ASPHD2: variants seen among roughly 807,000 people sequenced by gnomAD.
ASPHD2 encodes aspartate beta-hydroxylase domain-containing protein 2.
A neutral mutation model predicts 34.6 loss-of-function variants in ASPHD2; 12 were observed. That is an observed-to-expected ratio of 0.35 (90% CI 0.22 to 0.56). ASPHD2 has a LOEUF of 0.56. Among genes scored for constraint, ASPHD2 ranks in the 20% least tolerant of loss-of-function variants. The pLI, the probability that ASPHD2 is intolerant of heterozygous loss-of-function variation, is 0.87. For missense variants in ASPHD2, 375 were observed against 505.0 expected, an observed-to-expected ratio of 0.74 and a Z score of 2.47; for synonymous variants, 224 against 212.2, an observed-to-expected ratio of 1.06 and a Z score of -0.48.
chr22:26,435,710 T>TAAAAAGAAAAG (rs1243643919), intron 2 of ASPHD2, among the ~76,000 whole-genome samples: 1 of 145,910 alleles, frequency 6.9e-6, no homozygotes, highest in Non-Finnish European at 1.5e-5. Flanking sequence ...ATCACTGCAC[T>TAAAAAGAAAAG]AAAAGAAAAG....
In ASPHD2 at chr22:26,434,093, C is replaced by G. The variant is rs2084775859; in HGVS notation, c.478C>G (p.Pro160Ala). The G allele has an allele frequency of 6.2e-7, 1 of 1,612,950 alleles. No homozygotes were observed. Among genetic ancestry groups the G allele is most frequent in the Non-Finnish European group, 8.5e-7 (1 of 1,179,704 alleles). ...REQGRYLNSR[P>A]SIQKPEVFFL... is the part of the protein sequence containing the mutation. ...GCAGGGCCGGTACCTCAACAGCCGG[C>G]CCTCCATCCAGAAGCCCGAGGTCTT... The change falls in exon 2 of 4, where the codon CCC (proline) becomes GCC (alanine). Residue 160 changes from proline to alanine, a missense_variant. Coordinates refer to ENST00000215906, the MANE Select transcript of ASPHD2 (RefSeq NM_020437.5).
Position 26,434,345 on chromosome 22 carries a change from T to C in ASPHD2, c.730T>C (p.Cys244Arg), listed in dbSNP as rs979401849. The C allele has an allele frequency of 2.5e-6, 4 of 1,614,198 alleles. No individual in the cohort carries two copies. The highest frequency in any genetic ancestry group is 1.1e-5 in the South Asian group (1 of 91,086). The change falls in exon 2 of 4, where the codon TGT becomes CGT. Residue 244 changes from cysteine (C) to arginine (R), a missense_variant. This residue lies in a region of ASPHD2 where 142 missense variants were observed against 217.9 expected (regional missense o/e 0.65). Transcript: ENST00000215906. ...TCAGGGGGTTTGTGTTCCCAGGAACTGTAGGAAGTGCCCACGGACGTACCG... is the reference window on the plus strand; with the variant it reads ...TCAGGGGGTTTGTGTTCCCAGGAACCGTAGGAAGTGCCCACGGACGTACCG... ...VNQGVCVPRN[C>R]RKCPRTYRLL...
intron 2 of ASPHD2, among the ~76,000 whole-genome samples, chr22:26,438,510 T>TACATACATATACAC (rs2084809598): frequency 1.0e-5 from 1 of 96,148 alleles, no homozygotes; most frequent in Non-Finnish European, 2.2e-5. Context: ...TACATATATA[T>TACATACATATACAC]ACATACATAT....
intron 2 of ASPHD2, among the ~76,000 whole-genome samples, chr22:26,435,093 C>G (rs2084782649): frequency 6.6e-6 from 1 of 152,104 alleles, no homozygotes; most frequent in African/African-American, 2.4e-5. Context: ...GTTTTGCAAA[C>G]AAAGACTGGA....
intron 2 of ASPHD2, among the ~76,000 whole-genome samples, chr22:26,436,802 G>A (rs2084794930): frequency 6.6e-6 from 1 of 152,086 alleles, no homozygotes; most frequent in African/African-American, 2.4e-5. Context: ...TTTGCTTTCT[G>A]TAGATTAACA....
chr22:26,443,261 CTGTGG>C lies in ASPHD2; in HGVS notation c.*57_*61del. 1.4e-6 allele frequency: 2 copies of C among 1,469,422 alleles called. No homozygotes were observed. Among genetic ancestry groups the C allele is most frequent in the South Asian group, 2.3e-5 (2 of 88,006 alleles). 91.0% of individuals were successfully genotyped at this position (1,469,422 alleles called of 1,614,324 possible). A position where few individuals can be genotyped will look rare whatever the true frequency, so the allele number is the denominator to read the frequency against. On this transcript the variant is annotated 3_prime_UTR_variant, in exon 4 of 4. Coordinates refer to ENST00000215906, the MANE Select transcript of ASPHD2 (RefSeq NM_020437.5). ...AGGGCCGAGGCGGGGCCTGGGCAGA[CTGTGG>C]TCCGGTCCAGTCCCTACCGGTGTTG...
chr22:26,434,888 C>G (rs1010202466), intron 2 of ASPHD2, among the ~76,000 whole-genome samples: 1 of 151,986 alleles, frequency 6.6e-6, no homozygotes, highest in Admixed American at 6.6e-5. Flanking sequence ...TAGTGGCTAC[C>G]GTATGGGGAC....
chr22:26,442,815 A>C (rs1469063969), intron 3 of ASPHD2, among the ~76,000 whole-genome samples: 2 of 152,152 alleles, frequency 1.3e-5, no homozygotes, highest in Non-Finnish European at 2.9e-5. Context: ...GGATAATGAC[A>C]CGGACCTACC....
In ASPHD2 at chr22:26,434,053, C is replaced by G; in HGVS notation, c.438C>G (p.His146Gln). The change falls in exon 2 of 4, where the codon CAC becomes CAG. Residue 146 changes from histidine (H) to glutamine (Q), a missense_variant. Coordinates refer to ENST00000215906, the MANE Select transcript of ASPHD2 (RefSeq NM_020437.5). ...CCTGGTCCGGCATGGGCCGCATCCACAAGGGCATCCGCGAGCAGGGCCGGT... is the reference window on the plus strand; with the variant it reads ...CCTGGTCCGGCATGGGCCGCATCCAGAAGGGCATCCGCGAGCAGGGCCGGT... Reference protein sequence around the residue: ...RYSWSGMGRIHKGIREQGRYL... With the variant: ...RYSWSGMGRIQKGIREQGRYL... The G allele has an allele frequency of 6.2e-7, 1 of 1,613,548 alleles. No individual in the cohort carries two copies. The highest frequency in any genetic ancestry group is 8.5e-7 in the Non-Finnish European group (1 of 1,179,968).
In ASPHD2 at chr22:26,443,386, A is replaced by G; in HGVS notation, c.*180A>G. 1.8e-6 allele frequency: 1 copy of G among 553,120 alleles called. No homozygotes were observed. The highest frequency in any genetic ancestry group is 3.2e-6 in the Non-Finnish European group (1 of 315,280). 34.3% of individuals were successfully genotyped at this position (553,120 alleles called of 1,614,324 possible). A position where few individuals can be genotyped will look rare whatever the true frequency, so the allele number is the denominator to read the frequency against. ...TTTCCCTTGGTTATTGTAAATGGAAACTTTTCGGCTTGTATTTCCTTAGAT... is the reference window on the plus strand; with the variant it reads ...TTTCCCTTGGTTATTGTAAATGGAAGCTTTTCGGCTTGTATTTCCTTAGAT... On this transcript the variant is annotated 3_prime_UTR_variant, in exon 4 of 4. Coordinates refer to ENST00000215906, the MANE Select transcript of ASPHD2 (RefSeq NM_020437.5).
intron 2 of ASPHD2, among the ~76,000 whole-genome samples, chr22:26,441,519 G>A (rs1033947719): frequency 6.7e-6 from 1 of 148,662 alleles, no homozygotes; most frequent in Non-Finnish European, 1.5e-5. Context: ...GCCAGGTGCT[G>A]TGGCTCATGC....
At chr22:26,430,223 T>C (rs937990781) in intron 1 of ASPHD2, among the ~76,000 whole-genome samples, 43 of 152,148 alleles carry the variant, frequency 2.8e-4, no homozygotes, top group African/African-American at 9.9e-4. Context: ...CTTGGCCTCA[T>C]CCTGAGGGTG....
At position 26,443,513 on chromosome 22, in the gene ASPHD2, G is replaced by T. The variant is rs2084874110; in HGVS notation, c.*307G>T. On this transcript the variant is annotated 3_prime_UTR_variant, in exon 4 of 4. Transcript: ENST00000215906. ...GAGTGACCAGAGACTTAGTGCCCTT[G>T]TAAGTCTGTCTTCTGTTGCTACTTG... 1 of 227,774 alleles carries T rather than the reference G, an allele frequency of 4.4e-6. No homozygotes were observed. The highest frequency in any genetic ancestry group is 8.3e-5 in the South Asian group (1 of 11,992). The allele number at this position is 227,774 out of a possible 1,614,324, so 14.1% of individuals were successfully genotyped here. A position where few individuals can be genotyped will look rare whatever the true frequency, so the allele number is the denominator to read the frequency against.
At chr22:26,435,445 A>G (rs1050706609) in intron 2 of ASPHD2, among the ~76,000 whole-genome samples, 1 of 152,236 alleles carries the variant, frequency 6.6e-6, no homozygotes, top group African/African-American at 2.4e-5. Flanking sequence ...GTGCAGAGAC[A>G]GCCTTGGCAG....
chr22:26,434,337 C>A lies in ASPHD2; in HGVS notation c.722C>A (p.Pro241His). The A allele has an allele frequency of 6.2e-7, 1 of 1,614,162 alleles. No homozygotes were observed. The highest frequency in any genetic ancestry group is 8.5e-7 in the Non-Finnish European group (1 of 1,180,028). ...FYLVNQGVCV[P>H]RNCRKCPRTY... ...TTGGTCAATCAGGGGGTTTGTGTTC[C>A]CAGGAACTGTAGGAAGTGCCCACGG... The change falls in exon 2 of 4, where the codon CCC (proline) becomes CAC (histidine). Residue 241 changes from proline to histidine, a missense_variant. Coordinates refer to ENST00000215906, the MANE Select transcript of ASPHD2 (RefSeq NM_020437.5).
chr22:26,437,178 G>A (rs545122857), intron 2 of ASPHD2, among the ~76,000 whole-genome samples: 1 of 152,350 alleles, frequency 6.6e-6, no homozygotes, highest in South Asian at 2.1e-4. Flanking sequence ...AATGAGGTCA[G>A]AAGCAGGATA....
At chr22:26,440,341 TGCCCAGGCTGGAGTGCAGTGGTGCGATTC>T (rs1448993279) in intron 2 of ASPHD2, among the ~76,000 whole-genome samples, 43 of 152,106 alleles carry the variant, frequency 2.8e-4, no homozygotes, top group Admixed American at 2.8e-3. Flanking sequence ...CTCACTCTGT[TGCCCAGGCTGGAGTGCAGTGGTGCGATTC>T]GCCCAGGCTG....
rs767207973 is a variant in ASPHD2, at chr22:26,443,634, A to AAAAAAAAACT, written c.*431_*432insAAAAACTAAA. ...GTGGTCATCTTAAAAAAAAAAAAAAAAAACTAAAAACTGCAAACCAGAGAG... is the reference window on the plus strand; with the variant it reads ...GTGGTCATCTTAAAAAAAAAAAAAAAAAAAAAAACTAAACTAAAAACTGCAAACCAGAGAG... On this transcript the variant is annotated 3_prime_UTR_variant, in exon 4 of 4. Transcript: ENST00000215906. The AAAAAAAAACT allele has an allele frequency of 3.0e-3, 463 of 151,856 alleles. 10 individuals carry two copies. In the East Asian group the frequency reaches 0.054, roughly 18 times the overall value. The allele number at this position is 151,856 out of a possible 1,614,324, so 9.4% of individuals were successfully genotyped here.
In ASPHD2 at chr22:26,434,244, CA is replaced by C; in HGVS notation, c.632del (p.Asn211ThrfsTer10). 1 of 1,614,234 alleles carries C rather than the reference CA, an allele frequency of 6.2e-7. No individual in the cohort carries two copies. The highest frequency in any genetic ancestry group is 1.1e-5 in the South Asian group (1 of 91,078). ...CEFETLYKAF[S>X]NCSLPQGWKM... ...TTTGAGACCCTCTACAAAGCTTTCT[CA>C]AACTGCAGCCTCCCGCAAGGATGGA... On this transcript the variant is annotated frameshift_variant, in exon 2 of 4. Coordinates refer to ENST00000215906, the MANE Select transcript of ASPHD2 (RefSeq NM_020437.5). LOFTEE classifies it high-confidence loss of function.
Sources: allele counts gnomAD v4.1 joint callset (sites outside exome capture counted in the v4.1 genomes callset), GRCh38; gene constraint gnomAD v4.1.1; regional missense constraint gnomAD v4.1.1; transcripts MANE v1.5; gene names NCBI Gene and HGNC (gene_info 2026-07-23, HGNC 2026-07-21).